The following VAV3 variants were observed in gnomAD, a reference collection of about 807,000 sequenced individuals.
VAV3 encodes guanine nucleotide exchange factor VAV3.
A neutral mutation model predicts 131.2 loss-of-function variants in VAV3; 94 were observed. The ratio of observed to expected loss-of-function variants is 0.72; its 90% CI spans 0.61 to 0.85. The LOEUF is 0.85. VAV3 is among the 40% of genes least tolerant of loss of function. VAV3 has a pLI of 0.00. For synonymous variants in VAV3, 349 were observed against 342.0 expected (o/e 1.02, Z -0.22); for missense variants, 939 against 1,002.7 (o/e 0.94, Z 0.86).
intron 19 of VAV3, chr1:107,669,363 G>C (rs781455164): frequency 7.8e-7 from 1 of 1,289,680 alleles, no homozygotes; most frequent in African/African-American, 1.5e-5. Flanking sequence ...AAACCTCAAG[G>C]CTGCATTTTC....
At chr1:107,580,569 A>G (rs1357756930) in intron 25 of VAV3, among the ~76,000 whole-genome samples, 1 of 152,158 alleles carries the variant, frequency 6.6e-6, no homozygotes, top group African/African-American at 2.4e-5. Flanking sequence ...AAACATTTTA[A>G]GGATTGGTAG....
chr1:107,598,286 G>A (rs948264058), intron 24 of VAV3, among the ~76,000 whole-genome samples: 11 of 152,138 alleles, frequency 7.2e-5, no homozygotes, highest in African/African-American at 2.7e-4. Context: ...AACCTGGGAG[G>A]TGGAGGTTGC....
At chr1:107,931,284 C>T (rs1220509710) in intron 1 of VAV3, among the ~76,000 whole-genome samples, 1 of 152,106 alleles carries the variant, frequency 6.6e-6, no homozygotes, top group Non-Finnish European at 1.5e-5. Context: ...CATATCAAAG[C>T]GTGTAAGGAC....
chr1:107,657,647 C>A (rs897193626), intron 19 of VAV3, among the ~76,000 whole-genome samples: 2 of 152,106 alleles, frequency 1.3e-5, no homozygotes, highest in Non-Finnish European at 2.9e-5. Flanking sequence ...CAGAGGTCAA[C>A]TGAAGTTCCA....
intron 2 of VAV3, among the ~76,000 whole-genome samples, chr1:107,851,513 T>C (rs1284091559): frequency 6.6e-6 from 1 of 152,160 alleles, no homozygotes; most frequent in Non-Finnish European, 1.5e-5. Context: ...TTATTCATTT[T>C]ATACTGAGCC....
chr1:107,631,601 A>G (rs1654491132), intron 20 of VAV3, among the ~76,000 whole-genome samples: 1 of 146,818 alleles, frequency 6.8e-6, no homozygotes, highest in Admixed American at 6.8e-5. Context: ...AGCATTAGGT[A>G]TATCTCCTAA....
chr1:107,912,061 G>T (rs12409973), intron 1 of VAV3, among the ~76,000 whole-genome samples: 24,273 of 151,826 alleles, frequency 0.16, 2,031 homozygotes, highest in South Asian at 0.22. Flanking sequence ...TTGTTTGTTT[G>T]TGTGTGTGTG....
intron 1 of VAV3, among the ~76,000 whole-genome samples, chr1:107,917,661 C>G (rs1225626451): frequency 6.6e-6 from 1 of 152,134 alleles, no homozygotes; most frequent in Non-Finnish European, 1.5e-5. Context: ...AATTGCCCAG[C>G]AGACAGTCAA....
At chr1:107,908,171 T>C (rs1015460946) in intron 1 of VAV3, among the ~76,000 whole-genome samples, 3 of 152,190 alleles carry the variant, frequency 2.0e-5, no homozygotes, top group African/African-American at 4.8e-5. Context: ...TTAGGTTCTG[T>C]GGATGAAAGG....
chr1:107,934,819 T>C (rs1673628699), intron 1 of VAV3, among the ~76,000 whole-genome samples: 1 of 152,250 alleles, frequency 6.6e-6, no homozygotes, highest in Admixed American at 6.5e-5. Flanking sequence ...AATCACTGTG[T>C]TGTTATTAAG....
At chr1:107,845,907 C>T (rs983763944) in intron 2 of VAV3, among the ~76,000 whole-genome samples, 1 of 152,176 alleles carries the variant, frequency 6.6e-6, no homozygotes, top group Non-Finnish European at 1.5e-5. Flanking sequence ...CTTCCCCAAA[C>T]TAGCAACACA....
At chr1:107,711,218 C>A (rs911555310) in intron 15 of VAV3, among the ~76,000 whole-genome samples, 4 of 152,028 alleles carry the variant, frequency 2.6e-5, no homozygotes, top group Non-Finnish European at 5.9e-5. Context: ...CAAGTGGCAC[C>A]TGAAGAGATC....
intron 12 of VAV3, among the ~76,000 whole-genome samples, chr1:107,753,144 T>G (rs1057290670): frequency 3.9e-4 from 59 of 152,226 alleles, no homozygotes; most frequent in African/African-American, 1.3e-3. Flanking sequence ...AATAAAATGT[T>G]GACACATGAC....
chr1:107,605,365 A>T (rs1267527716), intron 22 of VAV3, among the ~76,000 whole-genome samples: 1 of 152,104 alleles, frequency 6.6e-6, no homozygotes, highest in African/African-American at 2.4e-5. Flanking sequence ...GTTCCTGATA[A>T]AAAGAATGAG....
chr1:107,669,084 A>G, intron 19 of VAV3: 1 of 1,080,552 alleles, frequency 9.3e-7, no homozygotes, highest in South Asian at 2.6e-5. Context: ...GGGGAAAAAA[A>G]GAAAAATGAG....
At chr1:107,959,090 C>T (rs965690369) in intron 1 of VAV3, among the ~76,000 whole-genome samples, 2 of 151,940 alleles carry the variant, frequency 1.3e-5, no homozygotes, top group Non-Finnish European at 2.9e-5. Flanking sequence ...GGTAAAACCC[C>T]GTCTCTACTA....
chr1:107,607,233 C>T (rs992210196), intron 22 of VAV3, among the ~76,000 whole-genome samples: 1 of 151,998 alleles, frequency 6.6e-6, no homozygotes, highest in Admixed American at 6.6e-5. Flanking sequence ...ATTACAGGCA[C>T]GAGTCAACAC....
chr1:107,605,571 C>T (rs1295740526), intron 22 of VAV3, among the ~76,000 whole-genome samples: 2 of 152,166 alleles, frequency 1.3e-5, no homozygotes, highest in Non-Finnish European at 2.9e-5. Context: ...CTACTATACA[C>T]GTTGAGCATC....
rs867034598 is a variant in VAV3 at position 107,583,033 on chromosome 1, C to T, written c.2351-8835G>A. On this transcript the variant is annotated intron_variant, in intron 25 of 26. Coordinates refer to ENST00000370056, the MANE Select transcript of VAV3 (RefSeq NM_006113.5). Reference sequence around the variant, plus strand: ...AACTAGTTTACAGTCCCACCAACAGCGTAAAAGTGTTCCTATTTCTCCACA... The same window carrying T: ...AACTAGTTTACAGTCCCACCAACAGTGTAAAAGTGTTCCTATTTCTCCACA... 9.7e-4 allele frequency among the ~76,000 whole-genome samples: 148 copies of T among 152,192 alleles called. 1 individual carries two copies. The highest frequency in any genetic ancestry group is 1.7e-3 in the South Asian group (8 of 4,828).
Sources: allele counts gnomAD v4.1 joint callset (sites outside exome capture counted in the v4.1 genomes callset), GRCh38; gene constraint gnomAD v4.1.1; transcripts MANE v1.5; gene names NCBI Gene and HGNC (gene_info 2026-07-23, HGNC 2026-07-21).